Variants in ARHGAP6 observed in about 807,000 individuals in gnomAD.
ARHGAP6 encodes rho GTPase-activating protein 6.
ARHGAP6 carries 16 observed loss-of-function variants against 55.7 expected under a neutral mutation model. The ratio of observed to expected loss-of-function variants is 0.29; its 90% confidence interval spans 0.19 to 0.44. The LOEUF (loss-of-function observed/expected upper bound fraction) is 0.44. ARHGAP6 is among the 20% of genes least tolerant of loss of function. The pLI is 1.00. For missense variants in ARHGAP6, 698 were observed against 808.9 expected (o/e 0.86, Z 1.66); for synonymous variants, 382 against 360.9 (o/e 1.06, Z -0.66).
At chrX:11,538,849 GT>G (rs34683200) in intron 1 of ARHGAP6, among the ~76,000 whole-genome samples, 17,122 of 85,975 alleles carry the variant, frequency 0.2, 1,548 homozygotes, top group African/African-American at 0.29. Context: ...TGTGTGTGTG[GT>G]TTTTTTTTTT....
chrX:11,517,300 C>G (rs1046534955), intron 1 of ARHGAP6, among the ~76,000 whole-genome samples: 5 of 111,644 alleles, frequency 4.5e-5, no homozygotes, highest in Non-Finnish European at 7.5e-5. Flanking sequence ...TATCTATTGG[C>G]CAAAGCAAGT....
intron 1 of ARHGAP6, among the ~76,000 whole-genome samples, chrX:11,255,749 A>G (rs1210924916): frequency 2.7e-5 from 3 of 111,935 alleles, no homozygotes; most frequent in Non-Finnish European, 5.6e-5. Context: ...CACATCAAAG[A>G]GTCAAAGCAA....
At chrX:11,330,331 T>G (rs1035374286) in intron 1 of ARHGAP6, among the ~76,000 whole-genome samples, 1 of 112,906 alleles carries the variant, frequency 8.9e-6, no homozygotes, top group African/African-American at 3.2e-5. Flanking sequence ...ATTAAATATT[T>G]GGGATGTATA....
At chrX:11,548,670 G>A (rs916848327) in intron 1 of ARHGAP6, among the ~76,000 whole-genome samples, 6 of 110,462 alleles carry the variant, frequency 5.4e-5, no homozygotes, top group African/African-American at 9.9e-5. Context: ...GTGCAGCGAC[G>A]TGATCTCAGC....
intron 5 of ARHGAP6, among the ~76,000 whole-genome samples, chrX:11,184,977 A>G (rs1293814180): frequency 1.8e-5 from 2 of 112,250 alleles, no homozygotes; most frequent in Non-Finnish European, 3.8e-5. Context: ...AAACCTGTAC[A>G]GCATGCGACT....
rs185548987 is a variant in ARHGAP6, at chrX:11,177,237, C to T, written c.1629+863G>A. ...CTCTTGTTAAGGTGAAGATTAAATACGTTGCCCATAAGTAAGCAACTTAAA... is the reference window on the plus strand; with the variant it reads ...CTCTTGTTAAGGTGAAGATTAAATATGTTGCCCATAAGTAAGCAACTTAAA... On this transcript the variant is annotated intron_variant, in intron 8 of 12. Coordinates refer to ENST00000337414, the MANE Select transcript of ARHGAP6 (RefSeq NM_013427.3). Among the ~76,000 whole-genome samples, 486 of 110,136 alleles carry T rather than the reference C, an allele frequency of 4.4e-3. 5 individuals carry two copies. The highest frequency in any genetic ancestry group is 0.015 in the African/African-American group (456 of 30,216).
intron 1 of ARHGAP6, among the ~76,000 whole-genome samples, chrX:11,455,735 C>T (rs10218091): frequency 0.17 from 18,715 of 110,764 alleles, 1,296 homozygotes; most frequent in Middle Eastern, 0.29. Flanking sequence ...TTAGGAGGCA[C>T]AGTGTTGGAT....
chrX:11,637,762 AT>A (rs55942514), intron 1 of ARHGAP6, among the ~76,000 whole-genome samples: 2,436 of 103,592 alleles, frequency 0.024, 59 homozygotes, highest in African/African-American at 0.073. Context: ...TGTAATTTTG[AT>A]TTTTTTTTTT....
chrX:11,609,285 A>G (rs1290035749), intron 1 of ARHGAP6, among the ~76,000 whole-genome samples: 1 of 111,741 alleles, frequency 8.9e-6, no homozygotes, highest in East Asian at 2.8e-4. Flanking sequence ...TGAGAAGAAG[A>G]AAAAAAAGTC....
At chrX:11,519,362 G>T (rs2050886898) in intron 1 of ARHGAP6, among the ~76,000 whole-genome samples, 2 of 110,167 alleles carry the variant, frequency 1.8e-5, no homozygotes, top group East Asian at 5.8e-4. Flanking sequence ...TAGTGGTTTT[G>T]ATTTGCATTT....
chrX:11,323,866 CAAAAAAAAA>C (rs61462099), intron 1 of ARHGAP6, among the ~76,000 whole-genome samples: 12 of 40,291 alleles, frequency 3.0e-4, no homozygotes, highest in African/African-American at 8.6e-4. Flanking sequence ...ACCCCCATTT[CAAAAAAAAA>C]AAAAAAAAAA....
intron 1 of ARHGAP6, among the ~76,000 whole-genome samples, chrX:11,369,913 G>T (rs184871121): frequency 8.9e-6 from 1 of 112,545 alleles, no homozygotes; most frequent in Non-Finnish European, 1.9e-5. Flanking sequence ...AAACTATCAA[G>T]TTGTCAGTAC....
At chrX:11,474,578 C>T (rs1214800388) in intron 1 of ARHGAP6, among the ~76,000 whole-genome samples, 1 of 111,966 alleles carries the variant, frequency 8.9e-6, no homozygotes, top group African/African-American at 3.2e-5. Flanking sequence ...ATCAAAGGGA[C>T]AAATTAAAAT....
At chrX:11,590,918 A>G (rs201170220) in intron 1 of ARHGAP6, among the ~76,000 whole-genome samples, 1 of 54,196 alleles carries the variant, frequency 1.8e-5, no homozygotes, top group Non-Finnish European at 3.6e-5. Flanking sequence ...AAGAAAGAAA[A>G]GAAAAGAAAA....
chrX:11,352,828 C>T (rs1335470627), intron 1 of ARHGAP6, among the ~76,000 whole-genome samples: 1 of 111,643 alleles, frequency 9.0e-6, no homozygotes, highest in East Asian at 2.8e-4. Flanking sequence ...TATATGGATA[C>T]ACACATATGT....
At chrX:11,281,991 G>A (rs1395843479) in intron 1 of ARHGAP6, among the ~76,000 whole-genome samples, 1 of 111,894 alleles carries the variant, frequency 8.9e-6, no homozygotes, top group Non-Finnish European at 1.9e-5. Flanking sequence ...ATTGATGGAG[G>A]TCACTTTGGT....
At chrX:11,579,934 A>G (rs1240242521) in intron 1 of ARHGAP6, among the ~76,000 whole-genome samples, 1 of 111,840 alleles carries the variant, frequency 8.9e-6, no homozygotes, top group Non-Finnish European at 1.9e-5. Flanking sequence ...AGCTGTAACC[A>G]TGTATGTGCA....
intron 1 of ARHGAP6, among the ~76,000 whole-genome samples, chrX:11,271,490 G>A (rs1171734506): frequency 9.2e-6 from 1 of 108,518 alleles, no homozygotes; most frequent in African/African-American, 3.3e-5. Context: ...TCTCAGTGGG[G>A]TTCTTCTCTA....
chrX:11,151,523 C>A (rs960336247), intron 10 of ARHGAP6, among the ~76,000 whole-genome samples: 1 of 111,322 alleles, frequency 9.0e-6, no homozygotes, highest in Non-Finnish European at 1.9e-5. Flanking sequence ...TCATAAAAAT[C>A]TCTTCTAATC....
Sources: allele counts gnomAD v4.1 joint callset (sites outside exome capture counted in the v4.1 genomes callset), GRCh38; gene constraint gnomAD v4.1.1; transcripts MANE v1.5; gene names NCBI Gene and HGNC (gene_info 2026-07-23, HGNC 2026-07-21).